VWC2L: variants seen among roughly 807,000 people sequenced by gnomAD.
VWC2L encodes von Willebrand factor C domain-containing protein 2-like.
Under a neutral mutation model 21.6 loss-of-function variants are expected in VWC2L, and 10 were observed. That is an observed-to-expected ratio of 0.46 (90% confidence interval 0.29 to 0.78). The LOEUF (loss-of-function observed/expected upper bound fraction) is 0.78. Ranked by LOEUF, VWC2L falls within the 30% of genes least tolerant of loss-of-function variation. VWC2L has a pLI of 0.10. For missense variants in VWC2L, 209 were observed against 277.1 expected, an observed-to-expected ratio of 0.75 and a Z score of 1.74; for synonymous variants, 96 against 94.3, an observed-to-expected ratio of 1.02 and a Z score of -0.10.
At chr2:214,483,859 C>T (rs1022647492) in intron 3 of VWC2L, among the ~76,000 whole-genome samples, 3 of 152,040 alleles carry the variant, frequency 2.0e-5, no homozygotes, top group Admixed American at 6.6e-5. Flanking sequence ...TCTAGGGCTG[C>T]CATATCAAGG....
chr2:214,451,309 G>GGC (rs1702950652), intron 3 of VWC2L, among the ~76,000 whole-genome samples: 2 of 23,120 alleles, frequency 8.7e-5, no homozygotes, highest in Admixed American at 3.3e-4. Context: ...GGGTCGGTGT[G>GGC]GGGGGGGGGG....
At chr2:214,453,348 C>T (rs893293739) in intron 3 of VWC2L, among the ~76,000 whole-genome samples, 3 of 152,164 alleles carry the variant, frequency 2.0e-5, no homozygotes, top group Non-Finnish European at 4.4e-5. Context: ...CACTGAATTG[C>T]ATTTGTGTCA....
At position 214,572,289 on chromosome 2, in the gene VWC2L, T is replaced by C. The variant is rs1690161447; in HGVS notation, c.521-3383T>C. On this transcript the variant is annotated intron_variant, in intron 3 of 3. Coordinates refer to ENST00000312504, the MANE Select transcript of VWC2L (RefSeq NM_001080500.4). ...TTCACCATTTTTTACATAATAAGCC[T>C]TCATTCTTTGAGAGTTATTGAGTTA... is the stretch of plus-strand genomic sequence containing the variant. Among the ~76,000 whole-genome samples the C allele has an allele frequency of 3.9e-5, 6 of 152,314 alleles. No individual in the cohort carries two copies. In the South Asian group the frequency reaches 1.2e-3, roughly 32 times the overall value.
At chr2:214,545,785 T>C (rs571634283) in intron 3 of VWC2L, among the ~76,000 whole-genome samples, 53 of 152,174 alleles carry the variant, frequency 3.5e-4, no homozygotes, top group Non-Finnish European at 7.1e-4. Context: ...GTTCCAACAA[T>C]CTGGCCACAG....
At chr2:214,534,268 T>C (rs10205117) in intron 3 of VWC2L, 79,104 of 152,358 alleles carry the variant, frequency 0.52, 20,916 homozygotes, top group East Asian at 0.74. Context: ...GCATATTGCT[T>C]AGGCCATCAC....
chr2:214,566,133 A>C (rs1427179687), intron 3 of VWC2L, among the ~76,000 whole-genome samples: 1 of 152,224 alleles, frequency 6.6e-6, no homozygotes, highest in East Asian at 1.9e-4. Flanking sequence ...AGTTTGGCTG[A>C]GAGATTATTC....
At chr2:214,504,783 G>A (rs1168248970) in intron 3 of VWC2L, among the ~76,000 whole-genome samples, 1 of 152,124 alleles carries the variant, frequency 6.6e-6, no homozygotes, top group African/African-American at 2.4e-5. Context: ...CAAGCCTGTT[G>A]GGCAGCCTGG....
At chr2:214,417,608 G>A (rs1245070440) in intron 2 of VWC2L, among the ~76,000 whole-genome samples, 2 of 152,142 alleles carry the variant, frequency 1.3e-5, no homozygotes, top group African/African-American at 4.8e-5. Context: ...CTGCAAAGAG[G>A]AGGGAGATGG....
chr2:214,524,935 T>TTC, intron 3 of VWC2L, among the ~76,000 whole-genome samples: 1 of 151,084 alleles, frequency 6.6e-6, no homozygotes, highest in South Asian at 2.1e-4. Context: ...TGGCTGGCTT[T>TTC]TTTTTTTTTC....
At chr2:214,549,661 T>G (rs1302703566) in intron 3 of VWC2L, among the ~76,000 whole-genome samples, 1 of 152,178 alleles carries the variant, frequency 6.6e-6, no homozygotes, top group African/African-American at 2.4e-5. Context: ...TAATCCCAGC[T>G]ACTCAGAAGG....
At chr2:214,522,559 C>A (rs1040210972) in intron 3 of VWC2L, among the ~76,000 whole-genome samples, 2 of 151,874 alleles carry the variant, frequency 1.3e-5, no homozygotes, top group African/African-American at 4.8e-5. Flanking sequence ...ATAAGTGTGT[C>A]ATGGAGAATG....
At chr2:214,454,166 ATGTG>A (rs1703018597) in intron 3 of VWC2L, among the ~76,000 whole-genome samples, 1 of 152,034 alleles carries the variant, frequency 6.6e-6, no homozygotes, top group African/African-American at 2.4e-5. Context: ...GTAGCTTTTT[ATGTG>A]TGAGTATGTA....
Position 214,414,529 on chromosome 2 carries a change from A to G in VWC2L, c.336A>G (p.Val112=), listed in dbSNP as rs773854669. 8 of 1,613,140 alleles carry G rather than the reference A, an allele frequency of 5.0e-6. No individual in the cohort carries two copies. The Admixed American group carries it at 5.0e-5, about 10-fold the overall frequency. ...HNGCCPECKE[V]KNFCEYHGKN... is the part of the protein sequence containing the mutation. Reference sequence around the variant, plus strand: ...GATGCTGTCCTGAGTGCAAAGAAGTAAAAAACTTCTGTGAATATCACGGGA... The same window carrying G: ...GATGCTGTCCTGAGTGCAAAGAAGTGAAAAACTTCTGTGAATATCACGGGA... The change falls in exon 2 of 4, where the codon GTA becomes GTG. Residue 112 remains valine, a synonymous_variant. Coordinates refer to ENST00000312504, the MANE Select transcript of VWC2L (RefSeq NM_001080500.4).
intron 1 of VWC2L, among the ~76,000 whole-genome samples, chr2:214,412,535 T>G (rs951286449): frequency 2.0e-5 from 3 of 152,108 alleles, no homozygotes; most frequent in African/African-American, 4.8e-5. Context: ...ATTTTCTTGT[T>G]CTGTCATGAC....
At chr2:214,556,845 C>A (rs902450274) in intron 3 of VWC2L, among the ~76,000 whole-genome samples, 20 of 152,186 alleles carry the variant, frequency 1.3e-4, no homozygotes, top group Non-Finnish European at 5.9e-5. Flanking sequence ...TCTTCCACTC[C>A]TTTGCTCCTA....
chr2:214,459,651 G>T (rs1703109951), intron 3 of VWC2L, among the ~76,000 whole-genome samples: 1 of 152,258 alleles, frequency 6.6e-6, no homozygotes, highest in Non-Finnish European at 1.5e-5. Context: ...TGTTGGACTG[G>T]TCTAGTGATG....
chr2:214,532,333 C>T (rs543308219), intron 3 of VWC2L, among the ~76,000 whole-genome samples: 4 of 151,962 alleles, frequency 2.6e-5, no homozygotes, highest in African/African-American at 7.3e-5. Context: ...TTTTGCTTTG[C>T]GCACATGGAT....
intron 2 of VWC2L, among the ~76,000 whole-genome samples, chr2:214,427,024 G>C (rs1434299474): frequency 1.3e-5 from 2 of 152,094 alleles, no homozygotes; most frequent in Non-Finnish European, 2.9e-5. Context: ...AATGCAGTGA[G>C]GATTGGCCAG....
At chr2:214,473,761 C>T (rs556356328) in intron 3 of VWC2L, 8 of 121,294 alleles carry the variant, frequency 6.6e-5, no homozygotes, top group African/African-American at 1.5e-4. Flanking sequence ...TCAGGTACAG[C>T]GCAACTTCCT....
Sources: allele counts gnomAD v4.1 joint callset (sites outside exome capture counted in the v4.1 genomes callset), GRCh38; gene constraint gnomAD v4.1.1; transcripts MANE v1.5; gene names NCBI Gene and HGNC (gene_info 2026-07-23, HGNC 2026-07-21).